ERICH5: variants seen among roughly 807,000 people sequenced by gnomAD.
ERICH5 encodes glutamate-rich protein 5.
In ERICH5, 24 loss-of-function variants were observed where a neutral mutation model predicts 28.0. The ratio of observed to expected loss-of-function variants is 0.86; its 90% CI spans 0.62 to 1.21. The LOEUF (loss-of-function observed/expected upper bound fraction) is 1.21. Ranked by LOEUF, ERICH5 falls within the 50% of genes most tolerant of loss-of-function variation. The pLI, the probability that ERICH5 is intolerant of heterozygous loss-of-function variation, is 0.00. For synonymous variants in ERICH5, 163 were observed against 157.6 expected (o/e 1.03, Z -0.25); for missense variants, 421 against 441.2 (o/e 0.95, Z 0.41).
intron 1 of ERICH5, among the ~76,000 whole-genome samples, chr8:98,087,950 G>T (rs1389626191): frequency 6.6e-6 from 1 of 152,038 alleles, no homozygotes; most frequent in South Asian, 2.1e-4. Context: ...GGTGGGTGTG[G>T]TGGCTCATGC....
chr8:98,066,624 G>C (rs761804087), intron 1 of ERICH5, among the ~76,000 whole-genome samples: 2 of 152,028 alleles, frequency 1.3e-5, no homozygotes, highest in Non-Finnish European at 2.9e-5. Context: ...TGTTGTTATG[G>C]AAGAGATGTT....
At chr8:98,090,656 T>G (rs1241459433) in intron 2 of ERICH5, among the ~76,000 whole-genome samples, 1 of 151,842 alleles carries the variant, frequency 6.6e-6, no homozygotes, top group African/African-American at 2.4e-5. Flanking sequence ...CAGTCTGCTC[T>G]TGTTCTTCTG....
intron 1 of ERICH5, among the ~76,000 whole-genome samples, chr8:98,086,310 C>T (rs999518898): frequency 1.2e-4 from 19 of 152,144 alleles, no homozygotes; most frequent in African/African-American, 4.3e-4. Context: ...GAGAACCACC[C>T]CTGATACCGC....
At chr8:98,082,526 T>A (rs530170094) in intron 1 of ERICH5, among the ~76,000 whole-genome samples, 1 of 151,324 alleles carries the variant, frequency 6.6e-6, no homozygotes, top group African/African-American at 2.4e-5. Context: ...ATGCCTATAG[T>A]CCCAGCTACT....
intron 1 of ERICH5, among the ~76,000 whole-genome samples, chr8:98,077,507 G>A (rs1011747713): frequency 5.3e-5 from 8 of 152,142 alleles, no homozygotes; most frequent in African/African-American, 1.9e-4. Context: ...TTTGAAATAA[G>A]AGTTTATCTT....
rs748511252 is a variant in ERICH5, at chr8:98,064,610, G to C, written c.-60G>C. The C allele has an allele frequency of 3.5e-6, 5 of 1,415,402 alleles. No homozygotes were observed. Among genetic ancestry groups the C allele is most frequent in the Non-Finnish European group, 3.8e-6 (4 of 1,060,190 alleles). 87.7% of individuals were successfully genotyped at this position (1,415,402 alleles called of 1,614,324 possible). On this transcript the variant is annotated 5_prime_UTR_variant, in exon 1 of 3. Coordinates refer to ENST00000318528, the MANE Select transcript of ERICH5 (RefSeq NM_173549.3). ...CGCGGCTACGGGTGCAGTTGCCTTC[G>C]GTTCCCGGTTCCGGGCCGACACCCG...
chr8:98,071,075 C>A (rs1361940844), intron 1 of ERICH5, among the ~76,000 whole-genome samples: 1 of 152,020 alleles, frequency 6.6e-6, no homozygotes, highest in South Asian at 2.1e-4. Context: ...ACCAGCCTGG[C>A]CAACATGGTG....
At position 98,064,588 on chromosome 8, in the gene ERICH5, G is replaced by C. The variant is rs1057179854; in HGVS notation, c.-82G>C. ...GCTGCAGAGCTGGAGAAACTTCCGC[G>C]GCTACGGGTGCAGTTGCCTTCGGTT... is the stretch of plus-strand genomic sequence containing the variant. On this transcript the variant is annotated 5_prime_UTR_variant, in exon 1 of 3. Transcript: ENST00000318528. 4.9e-6 allele frequency: 6 copies of C among 1,236,138 alleles called. No homozygotes were observed. In the Middle Eastern group the frequency reaches 6.1e-4, roughly 125 times the overall value. 76.6% of individuals were successfully genotyped at this position (1,236,138 alleles called of 1,614,324 possible).
chr8:98,093,076 A>T (rs1586210020), intron 2 of ERICH5, 145 bp from the exon 3 acceptor site: 1 of 559,910 alleles, frequency 1.8e-6, no homozygotes, highest in Middle Eastern at 4.7e-4. Context: ...CCCAGCTGAG[A>T]TGATTACTTT....
rs1285560759 is a variant in ERICH5, at chr8:98,085,933, A to G, written c.59-3143A>G. Reference sequence around the variant, plus strand: ...TGTTTTTGTTAGATTACTGCTTCTGATGGCTTCACCTGTGGTACCAGAGAG... The same window carrying G: ...TGTTTTTGTTAGATTACTGCTTCTGGTGGCTTCACCTGTGGTACCAGAGAG... On this transcript the variant is annotated intron_variant, in intron 1 of 2. Coordinates refer to ENST00000318528, the MANE Select transcript of ERICH5 (RefSeq NM_173549.3). Among the ~76,000 whole-genome samples, 9 of 152,288 alleles carry G rather than the reference A, an allele frequency of 5.9e-5. No individual in the cohort carries two copies. In the East Asian group the frequency reaches 1.7e-3, roughly 29 times the overall value.
intron 2 of ERICH5, among the ~76,000 whole-genome samples, chr8:98,091,786 C>T (rs1330414216): frequency 6.6e-6 from 1 of 152,100 alleles, no homozygotes; most frequent in Non-Finnish European, 1.5e-5. Flanking sequence ...CACCCCTGGA[C>T]CACCCTTTGA....
At chr8:98,083,346 T>C (rs1259110324) in intron 1 of ERICH5, among the ~76,000 whole-genome samples, 5 of 152,246 alleles carry the variant, frequency 3.3e-5, no homozygotes, top group Non-Finnish European at 5.9e-5. Flanking sequence ...ATGCATTGTT[T>C]TCTCAGGATG....
At chr8:98,087,846 A>G (rs1454726932) in intron 1 of ERICH5, among the ~76,000 whole-genome samples, 2 of 152,098 alleles carry the variant, frequency 1.3e-5, no homozygotes, top group Non-Finnish European at 2.9e-5. Context: ...TCATGGTATA[A>G]TAATATTCCA....
At chr8:98,082,203 TTTGG>T (rs1815195631) in intron 1 of ERICH5, among the ~76,000 whole-genome samples, 1 of 152,234 alleles carries the variant, frequency 6.6e-6, no homozygotes, top group Non-Finnish European at 1.5e-5. Context: ...TTATATGTCC[TTTGG>T]GCTACCACAA....
In ERICH5 at chr8:98,089,370, C is replaced by T; in HGVS notation, c.353C>T (p.Pro118Leu). 1 of 1,614,248 alleles carries T rather than the reference C, an allele frequency of 6.2e-7. No homozygotes were observed. Among genetic ancestry groups the T allele is most frequent in the Non-Finnish European group, 8.5e-7 (1 of 1,180,052 alleles). The change falls in exon 2 of 3, where the codon CCA becomes CTA. Residue 118 changes from proline to leucine, a missense_variant. Coordinates refer to ENST00000318528, the MANE Select transcript of ERICH5 (RefSeq NM_173549.3). Reference sequence around the variant, plus strand: ...CTGGAGGAATCTGGGCCGCCTCAACCAGGTGGCAAAGAGGATGCCCCAGCA... The same window carrying T: ...CTGGAGGAATCTGGGCCGCCTCAACTAGGTGGCAAAGAGGATGCCCCAGCA... ...EGLEESGPPQPGGKEDAPAAE... is the reference protein window; with the variant it reads ...EGLEESGPPQLGGKEDAPAAE...
At chr8:98,081,617 C>T (rs1815183618) in intron 1 of ERICH5, among the ~76,000 whole-genome samples, 1 of 152,146 alleles carries the variant, frequency 6.6e-6, no homozygotes, top group Non-Finnish European at 1.5e-5. Flanking sequence ...CTAGTAAGTG[C>T]AGGAACTGGA....
intron 1 of ERICH5, among the ~76,000 whole-genome samples, chr8:98,072,165 CAG>C (rs1814930367): frequency 6.6e-6 from 1 of 152,156 alleles, no homozygotes; most frequent in Non-Finnish European, 1.5e-5. Flanking sequence ...TTGTTTATAT[CAG>C]AGTTTCCCAG....
intron 1 of ERICH5, among the ~76,000 whole-genome samples, chr8:98,071,169 C>T (rs1296407482): frequency 3.9e-5 from 6 of 151,946 alleles, no homozygotes; most frequent in East Asian, 1.9e-4. Flanking sequence ...CCCAGCTACT[C>T]GGGAAGCCGA....
At chr8:98,081,960 G>A (rs1815190871) in intron 1 of ERICH5, among the ~76,000 whole-genome samples, 1 of 151,924 alleles carries the variant, frequency 6.6e-6, no homozygotes, top group South Asian at 2.1e-4. Flanking sequence ...TATACTGTAG[G>A]TCTATAGGTG....
Sources: gnomAD v4.1 joint callset for allele counts (sites outside exome capture counted in the v4.1 genomes callset) on GRCh38, gnomAD v4.1.1 for gene constraint, MANE v1.5 for transcripts, NCBI Gene and HGNC (gene_info 2026-07-23, HGNC 2026-07-21) for gene names.